The following KIAA0825 variants were observed in gnomAD, a reference collection of about 807,000 sequenced individuals.
KIAA0825 encodes KIAA0825.
Under a neutral mutation model 147.6 loss-of-function variants are expected in KIAA0825, and 119 were observed. That is an observed-to-expected ratio of 0.81 (90% CI 0.69 to 0.94). The LOEUF (loss-of-function observed/expected upper bound fraction) is 0.94. KIAA0825 is among the 40% of genes least tolerant of loss of function. KIAA0825 has a pLI of 0.00. For synonymous variants in KIAA0825, 470 were observed against 518.1 expected (o/e 0.91, Z 1.26); for missense variants, 1,381 against 1,472.7 (o/e 0.94, Z 1.02).
chr5:94,198,006 A>G (rs193177149), intron 20 of KIAA0825, among the ~76,000 whole-genome samples: 1 of 152,350 alleles, frequency 6.6e-6, no homozygotes, highest in Non-Finnish European at 1.5e-5. Flanking sequence ...AGTTCTGTGT[A>G]AAATGACATT....
At chr5:94,415,714 T>C (rs1440175713) in intron 15 of KIAA0825, 1 of 152,208 alleles carries the variant, frequency 6.6e-6, no homozygotes, top group Non-Finnish European at 1.5e-5. Flanking sequence ...TAACGTCTGT[T>C]TCCAGAGACT....
chr5:94,485,908 T>C (rs145423068), intron 5 of KIAA0825, among the ~76,000 whole-genome samples: 1 of 152,018 alleles, frequency 6.6e-6, no homozygotes, highest in East Asian at 1.9e-4. Flanking sequence ...AATTGTGATA[T>C]CTATTATTTG....
chr5:94,355,023 G>C (rs764805591), intron 20 of KIAA0825, among the ~76,000 whole-genome samples: 6 of 152,314 alleles, frequency 3.9e-5, no homozygotes, highest in East Asian at 3.9e-4. Flanking sequence ...CAATTCGAAG[G>C]GGGGCATGGA....
chr5:94,440,199 A>G (rs1437886184), intron 13 of KIAA0825, 78 bp from the exon 14 acceptor site: 49 of 1,339,878 alleles, frequency 3.7e-5, no homozygotes, highest in Non-Finnish European at 1.4e-5. Context: ...TACAGATGTA[A>G]TGCTAACTCC....
intron 15 of KIAA0825, chr5:94,414,738 G>T (rs887269988): frequency 3.3e-5 from 5 of 152,228 alleles, no homozygotes; most frequent in African/African-American, 1.2e-4. Context: ...ACCAGTACAG[G>T]TTCGTGACCT....
chr5:94,167,913 T>C (rs1486799939), intron 20 of KIAA0825, among the ~76,000 whole-genome samples: 1 of 151,788 alleles, frequency 6.6e-6, no homozygotes, highest in Non-Finnish European at 1.5e-5. Context: ...TATTTTGACC[T>C]AATTGAATGC....
intron 20 of KIAA0825, among the ~76,000 whole-genome samples, chr5:94,191,491 C>T (rs899458135): frequency 6.6e-6 from 1 of 152,080 alleles, no homozygotes; most frequent in Non-Finnish European, 1.5e-5. Flanking sequence ...ATTTTAAATG[C>T]CATAATTATA....
chr5:94,182,122 A>G (rs980146963), intron 20 of KIAA0825, among the ~76,000 whole-genome samples: 1 of 151,822 alleles, frequency 6.6e-6, no homozygotes, highest in Non-Finnish European at 1.5e-5. Context: ...CCTACCCTTC[A>G]GTGGGACCTT....
chr5:94,175,350 A>G (rs942832076), intron 20 of KIAA0825, among the ~76,000 whole-genome samples: 2 of 152,174 alleles, frequency 1.3e-5, no homozygotes, highest in Non-Finnish European at 2.9e-5. Flanking sequence ...CATCACAGCT[A>G]AAGGTGTGAT....
At chr5:94,396,070 G>T (rs1253542466) in intron 17 of KIAA0825, 31 bp downstream of exon 17, 8 of 1,400,442 alleles carry the variant, frequency 5.7e-6, no homozygotes, top group Non-Finnish European at 7.4e-6. Flanking sequence ...AGCATTTGAT[G>T]AAATCCAATA....
At chr5:94,340,853 C>A (rs1782295933) in intron 20 of KIAA0825, among the ~76,000 whole-genome samples, 1 of 152,152 alleles carries the variant, frequency 6.6e-6, no homozygotes, top group African/African-American at 2.4e-5. Flanking sequence ...AAATTAAAAT[C>A]ATTCAATTAT....
intron 10 of KIAA0825, among the ~76,000 whole-genome samples, chr5:94,466,662 G>A (rs1217775346): frequency 1.3e-5 from 2 of 150,790 alleles, no homozygotes; most frequent in Middle Eastern, 3.5e-3. Flanking sequence ...GAGTGAACCC[G>A]GGAGGCAGAG....
intron 1 of KIAA0825, among the ~76,000 whole-genome samples, chr5:94,603,948 A>G (rs968604607): frequency 1.3e-5 from 2 of 152,260 alleles, no homozygotes; most frequent in African/African-American, 4.8e-5. Flanking sequence ...AGACCTTCAA[A>G]GAGACTTAGA....
Position 94,151,890 on chromosome 5 carries a change from G to C in KIAA0825, c.*2117C>G, listed in dbSNP as rs1213653599. Among the ~76,000 whole-genome samples, 2 of 152,166 alleles carry C rather than the reference G, an allele frequency of 1.3e-5. No homozygotes were observed. Among genetic ancestry groups the C allele is most frequent in the African/African-American group, 4.8e-5 (2 of 41,432 alleles). ...TTGTCTAATGAAGCACAGTTATGCA[G>C]ATTTAGTACACAGACCACCACTTAG... On this transcript the variant is annotated 3_prime_UTR_variant, in exon 21 of 21. Transcript: ENST00000682413.
At chr5:94,466,904 T>C (rs1760615471) in intron 10 of KIAA0825, among the ~76,000 whole-genome samples, 1 of 152,114 alleles carries the variant, frequency 6.6e-6, no homozygotes, top group Non-Finnish European at 1.5e-5. Context: ...GTGTTGCATA[T>C]AAATTTAAGC....
chr5:94,504,371 A>T (rs1765456789), intron 5 of KIAA0825, among the ~76,000 whole-genome samples: 1 of 152,180 alleles, frequency 6.6e-6, no homozygotes, highest in South Asian at 2.1e-4. Flanking sequence ...CAGCCATGAT[A>T]GTTGCTTAGT....
chr5:94,401,083 A>C (rs1386440393), intron 16 of KIAA0825, among the ~76,000 whole-genome samples: 2 of 152,166 alleles, frequency 1.3e-5, no homozygotes, highest in Non-Finnish European at 2.9e-5. Context: ...AAAAAATTAC[A>C]GAAGTTTATC....
intron 10 of KIAA0825, among the ~76,000 whole-genome samples, chr5:94,465,742 AAG>A (rs1760409572): frequency 6.6e-6 from 1 of 152,148 alleles, no homozygotes; most frequent in Admixed American, 6.5e-5. Context: ...CATACTTTTA[AAG>A]AGTTATATTT....
chr5:94,614,965 A>G (rs17328137), intron 1 of KIAA0825, among the ~76,000 whole-genome samples: 12,397 of 152,166 alleles, frequency 0.081, 556 homozygotes, highest in South Asian at 0.12. Flanking sequence ...AGGCTTTATA[A>G]GTCAACCCAC....
Sources: gnomAD v4.1 joint callset for allele counts (sites outside exome capture counted in the v4.1 genomes callset) on GRCh38, gnomAD v4.1.1 for gene constraint, MANE v1.5 for transcripts, NCBI Gene and HGNC (gene_info 2026-07-23, HGNC 2026-07-21) for gene names.